LRRC41: variants seen among roughly 807,000 people sequenced by gnomAD.
The protein encoded by LRRC41 is leucine-rich repeat-containing protein 41.
In LRRC41, 17 loss-of-function variants were observed where a neutral mutation model predicts 72.1. The ratio of observed to expected loss-of-function variants is 0.24; its 90% CI spans 0.16 to 0.35. LRRC41 has a LOEUF of 0.35. LRRC41 is among the 10% of genes least tolerant of loss of function. The probability of loss-of-function intolerance (pLI) is 1.00; values close to 1 mark genes in which losing one functional copy is unlikely to be tolerated. For synonymous variants in LRRC41, 427 were observed against 431.0 expected, an observed-to-expected ratio of 0.99 and a Z score of 0.11; for missense variants, 759 against 1,065.0, an observed-to-expected ratio of 0.71 and a Z score of 4.00.
chr1:46,302,006 T>C lies in LRRC41; in HGVS notation c.199+1118A>G, dbSNP rs968585670. 1.2e-5 allele frequency: 12 copies of C among 985,306 alleles called. No individual in the cohort carries two copies. In the East Asian group the frequency reaches 1.1e-3, roughly 94 times the overall value. The allele number at this position is 985,306 out of a possible 1,614,324, so 61.0% of individuals were successfully genotyped here. On this transcript the variant is annotated intron_variant, in intron 1 of 9. Coordinates refer to ENST00000617190, the MANE Select transcript of LRRC41 (RefSeq NM_006369.5). This position sits in a 1 kb window ranked among gnomAD's most constrained non-coding sequence, Gnocchi z 4.7. ...TTTCCCCTCTTTCACTTGCCCCACGTCGGACCCAAGTTTCCCTCGTCAGCG... is the reference window on the plus strand; with the variant it reads ...TTTCCCCTCTTTCACTTGCCCCACGCCGGACCCAAGTTTCCCTCGTCAGCG...
chr1:46,303,306 G>C lies in LRRC41; in HGVS notation c.17C>G (p.Ala6Gly). The C allele has an allele frequency of 6.5e-7, 1 of 1,529,422 alleles. No homozygotes were observed. Among genetic ancestry groups the C allele is most frequent in the Non-Finnish European group, 8.8e-7 (1 of 1,140,038 alleles). 94.7% of individuals were successfully genotyped at this position (1,529,422 alleles called of 1,614,324 possible). A position where few individuals can be genotyped will look rare whatever the true frequency, so the allele number is the denominator to read the frequency against. The change falls in exon 1 of 10, where the codon GCC (alanine) becomes GGC (glycine). Residue 6 changes from alanine to glycine, a missense_variant. Transcript: ENST00000617190. ...GAACCAGCAACTCCGGGCGCGCCAG[G>C]CCTCGGGCGCCGCCATCTTGGGGAG... The part of the protein sequence containing the change: MAAPE[A>G]WRARSCWFCE...
In LRRC41 at chr1:46,279,126, T is replaced by G; in HGVS notation, c.2220-42A>C. The G allele has an allele frequency of 1.2e-6, 2 of 1,611,432 alleles. No homozygotes were observed. The highest frequency in any genetic ancestry group is 1.7e-6 in the Non-Finnish European group (2 of 1,178,076). ...GATTAGATATCCAGGAAGCAGTGAA[T>G]TCCTGGTCTATATCTCTGTAGCCCC... On this transcript the variant is annotated intron_variant, in intron 9 of 9. Transcript: ENST00000617190. This position sits in a 1 kb window ranked among gnomAD's most constrained non-coding sequence, Gnocchi z 4.5.
Position 46,303,185 on chromosome 1 carries a change from C to T in LRRC41, c.138G>A (p.Leu46=). 1.9e-6 allele frequency: 3 copies of T among 1,568,168 alleles called. No individual in the cohort carries two copies. Among genetic ancestry groups the T allele is most frequent in the Admixed American group, 3.6e-5 (2 of 54,858 alleles). Residue 46 remains leucine, a synonymous_variant, in exon 1 of 10, where the codon CTG becomes CTA. Transcript: ENST00000617190. ...TCACCGCCCGCCCGCACAGCTCGAACAGGGCGGGGGGAGCGTTGGGGCCCG... is the reference window on the plus strand; with the variant it reads ...TCACCGCCCGCCCGCACAGCTCGAATAGGGCGGGGGGAGCGTTGGGGCCCG... ...SASGPNAPPA[L]FELCGRAVSA... is the part of the protein sequence containing the mutation.
rs142988750 is a variant in LRRC41, at chr1:46,287,067, T to C, written c.358-568A>G. 9.1e-3 allele frequency among the ~76,000 whole-genome samples: 1,383 copies of C among 152,136 alleles called. 29 individuals carry two copies. Among genetic ancestry groups the C allele is most frequent in the East Asian group, 0.089 (457 of 5,142 alleles). On this transcript the variant is annotated intron_variant, in intron 3 of 9. Transcript: ENST00000617190. ...TTCCGTCCGCCTTGGCCTCCCAAAG[T>C]GCTAGGATTACAGGTGTGAGTCACC...
In LRRC41 at chr1:46,298,386, C is replaced by A; in HGVS notation, c.200-16G>T. On this transcript the variant is annotated splice_polypyrimidine_tract_variant and intron_variant, in intron 1 of 9. Transcript: ENST00000617190. ...CCTGGGAGGGCTACAAAAATCAAAA[C>A]AAAAGTTTACTTTTCCTCCCCTCCC... is the stretch of plus-strand genomic sequence containing the variant. 1 of 1,566,036 alleles carries A rather than the reference C, an allele frequency of 6.4e-7. No homozygotes were observed. The highest frequency in any genetic ancestry group is 1.7e-5 in the Admixed American group (1 of 58,056).
At position 46,285,341 on chromosome 1, in the gene LRRC41, C is replaced by T; in HGVS notation, c.1495+21G>A. 1 of 1,612,488 alleles carries T rather than the reference C, an allele frequency of 6.2e-7. No homozygotes were observed. On this transcript the variant is annotated intron_variant, in intron 4 of 9. Coordinates refer to ENST00000617190, the MANE Select transcript of LRRC41 (RefSeq NM_006369.5). This position sits in a 1 kb window ranked among gnomAD's most constrained non-coding sequence, Gnocchi z 5.3. ...CTGCTAGGCAATCTAAGCCCAATCC[C>T]TGCCACTCCAGGGTGCTCACCATTG...
chr1:46,288,981 AAGTG>A (rs1660943856), intron 3 of LRRC41, among the ~76,000 whole-genome samples: 1 of 152,368 alleles, frequency 6.6e-6, no homozygotes, highest in African/African-American at 2.4e-5. Flanking sequence ...TCAGCTTTAT[AAGTG>A]AGTGAGTCAG....
At chr1:46,290,910 T>C (rs1481063315) in intron 3 of LRRC41, among the ~76,000 whole-genome samples, 2 of 136,820 alleles carry the variant, frequency 1.5e-5, no homozygotes, top group Non-Finnish European at 3.1e-5. Context: ...GCCCGGCCTG[T>C]TTCTAGTTTT....
chr1:46,302,857 C>T lies in LRRC41; in HGVS notation c.199+267G>A. On this transcript the variant is annotated intron_variant, in intron 1 of 9. Transcript: ENST00000617190. The surrounding 1 kb of genome is among the most constrained non-coding windows in gnomAD (Gnocchi z 4.7). ...CCAGCCTCAGTCGCCCGGGCCCAGC[C>T]TGCTTCGCTCCAGACCGGGCCTCCT... 2.0e-6 allele frequency: 2 copies of T among 985,408 alleles called. No individual in the cohort carries two copies. Among genetic ancestry groups the T allele is most frequent in the African/African-American group, 1.7e-5 (1 of 57,364 alleles). 61.0% of individuals were successfully genotyped at this position (985,408 alleles called of 1,614,324 possible). A position where few individuals can be genotyped will look rare whatever the true frequency, so the allele number is the denominator to read the frequency against.
Position 46,303,065 on chromosome 1 carries a change from C to A in LRRC41, c.199+59G>T, listed in dbSNP as rs565591264. On this transcript the variant is annotated intron_variant, in intron 1 of 9. Coordinates refer to ENST00000617190, the MANE Select transcript of LRRC41 (RefSeq NM_006369.5). ...CTCCCGGCCTCGCCCCCCGCGCCCC[C>A]CGGCCGCTGGGCCGCCCCTTGCTCT... is the stretch of plus-strand genomic sequence containing the variant. 9 of 1,342,724 alleles carry A rather than the reference C, an allele frequency of 6.7e-6. No homozygotes were observed. In the African/African-American group the frequency reaches 1.1e-4, roughly 16 times the overall value. The allele number at this position is 1,342,724 out of a possible 1,614,324, so 83.2% of individuals were successfully genotyped here.
chr1:46,281,318 G>A lies in LRRC41; in HGVS notation c.1563C>T (p.Arg521=). ...LRALSGQAGC[R]LRALHLSDLF... ...GGTCACTGAGATGCAGGGCACGGAG[G>A]CGACATCCAGCCTGGCCTGACAGGG... Residue 521 remains arginine, a synonymous_variant, in exon 5 of 10, where the codon CGC becomes CGT. Transcript: ENST00000617190. The A allele has an allele frequency of 6.2e-7, 1 of 1,614,216 alleles. No individual in the cohort carries two copies. The highest frequency in any genetic ancestry group is 8.5e-7 in the Non-Finnish European group (1 of 1,180,030).
intron 3 of LRRC41, chr1:46,297,225 T>C (rs1421983808): frequency 9.6e-6 from 2 of 208,766 alleles, no homozygotes; most frequent in Non-Finnish European, 2.0e-5. Flanking sequence ...ATTGGAACTT[T>C]TAAAACTCAT....
At chr1:46,292,314 T>C (rs1661036549) in intron 3 of LRRC41, among the ~76,000 whole-genome samples, 1 of 150,930 alleles carries the variant, frequency 6.6e-6, no homozygotes, top group South Asian at 2.1e-4. Flanking sequence ...CCCAGACTGG[T>C]CTCGAATTCA....
intron 5 of LRRC41, among the ~76,000 whole-genome samples, 185 bp from the exon 6 acceptor site, chr1:46,280,745 C>A (rs1012465762): frequency 6.6e-6 from 1 of 152,188 alleles, no homozygotes; most frequent in Non-Finnish European, 1.5e-5. Flanking sequence ...GAGATTTAGT[C>A]CTTGCCCTTG....
At chr1:46,281,037 C>T (rs1208835055) in intron 5 of LRRC41, 88 bp downstream of exon 5, 11 of 1,541,226 alleles carry the variant, frequency 7.1e-6, no homozygotes, top group Non-Finnish European at 9.7e-6. Context: ...AGAAGAGGTC[C>T]TTCCCCTTTC....
chr1:46,281,023 T>G, intron 5 of LRRC41, 102 bp downstream of exon 5: 1 of 1,487,962 alleles, frequency 6.7e-7, no homozygotes, highest in Non-Finnish European at 9.1e-7. Context: ...CAGGAATGAG[T>G]GATAGAAGAG....
chr1:46,296,030 T>C (rs1029965439), intron 3 of LRRC41, among the ~76,000 whole-genome samples: 1 of 152,222 alleles, frequency 6.6e-6, no homozygotes, highest in Non-Finnish European at 1.5e-5. Flanking sequence ...GGAAAGACTT[T>C]CTTATTCTCT....
intron 3 of LRRC41, among the ~76,000 whole-genome samples, chr1:46,291,628 T>TGGCTCACTGCAACCTC (rs1465438626): frequency 1.4e-4 from 21 of 149,132 alleles, no homozygotes; most frequent in African/African-American, 5.2e-4. Context: ...GGCACAATCT[T>TGGCTCACTGCAACCTC]GGCTCACTGC....
intron 1 of LRRC41, chr1:46,301,874 A>C (rs1661235527): frequency 2.5e-6 from 2 of 800,132 alleles, no homozygotes; most frequent in Non-Finnish European, 3.0e-6. Flanking sequence ...CTCTTCGCCC[A>C]ACTCCAACCC....
Sources: allele counts gnomAD v4.1 joint callset (sites outside exome capture counted in the v4.1 genomes callset), GRCh38; gene constraint gnomAD v4.1.1; non-coding constraint Gnocchi (gnomAD v3.1); transcripts MANE v1.5; gene names NCBI Gene and HGNC (gene_info 2026-07-23, HGNC 2026-07-21).